The following DARS1 variants were observed in gnomAD, a reference collection of about 807,000 sequenced individuals.
The protein encoded by DARS1 is aspartate--tRNA ligase, cytoplasmic.
Under a neutral mutation model 68.8 loss-of-function variants are expected in DARS1, and 51 were observed. That is an observed-to-expected ratio of 0.74 (90% CI 0.59 to 0.94). The LOEUF (loss-of-function observed/expected upper bound fraction) is 0.94. Among genes scored for constraint, DARS1 ranks in the 40% least tolerant of loss-of-function variants. DARS1 has a pLI of 0.00. For missense variants in DARS1, 607 were observed against 597.3 expected (o/e 1.02, Z -0.17); for synonymous variants, 203 against 190.4 (o/e 1.07, Z -0.55).
rs949656320 is a variant in DARS1, at chr2:135,921,206, A to G, written c.812-606T>C. Among the ~76,000 whole-genome samples the G allele has an allele frequency of 7.3e-5, 11 of 151,158 alleles. 1 individual carries two copies. In the South Asian group the frequency reaches 2.3e-3, roughly 32 times the overall value. The stretch of plus-strand genomic sequence containing the variant: ...TCGACTCATCTTTCACATCACTAAT[A>G]TTCCTATAATACATCCTTGCTCAGA... On this transcript the variant is annotated intron_variant, in intron 9 of 15. Coordinates refer to ENST00000264161, the MANE Select transcript of DARS1 (RefSeq NM_001349.4).
intron 1 of DARS1, among the ~76,000 whole-genome samples, chr2:135,984,962 T>G (rs1682737815): frequency 1.3e-5 from 2 of 152,220 alleles, no homozygotes; most frequent in Non-Finnish European, 2.9e-5. Flanking sequence ...TCATTAAACA[T>G]ATTGGCAGAT....
chr2:135,922,779 C>A lies in DARS1; in HGVS notation c.811+5G>T. On this transcript the variant is annotated splice_donor_5th_base_variant and intron_variant, in intron 9 of 15. Coordinates refer to ENST00000264161, the MANE Select transcript of DARS1 (RefSeq NM_001349.4). ...TTGGATAAAACATAACTGCCAAAATCTTACCTGGTCCAATAGAGAAAACCT... is the reference window on the plus strand; with the variant it reads ...TTGGATAAAACATAACTGCCAAAATATTACCTGGTCCAATAGAGAAAACCT... 1 of 1,533,950 alleles carries A rather than the reference C, an allele frequency of 6.5e-7. No homozygotes were observed. The highest frequency in any genetic ancestry group is 8.7e-7 in the Non-Finnish European group (1 of 1,148,024).
At chr2:135,912,439 A>T (rs549523912) in intron 13 of DARS1, 47 bp downstream of exon 13, 81 of 739,736 alleles carry the variant, frequency 1.1e-4, no homozygotes, top group African/African-American at 1.1e-3. Flanking sequence ...TGACAATAAA[A>T]TTTCCCTTCT....
intron 3 of DARS1, among the ~76,000 whole-genome samples, chr2:135,963,121 C>T (rs1377227071): frequency 2.0e-5 from 3 of 152,122 alleles, no homozygotes; most frequent in East Asian, 1.9e-4. Context: ...GTCTATGGGT[C>T]GGCACTAGGG....
intron 7 of DARS1, among the ~76,000 whole-genome samples, chr2:135,929,826 A>AAAGTTTCAGGGAGATATGGCAAATAGG (rs1484486772): frequency 6.6e-6 from 1 of 152,184 alleles, no homozygotes; most frequent in Non-Finnish European, 1.5e-5. Flanking sequence ...TTGTTAATAG[A>AAAGTTTCAGGGAGATATGGCAAATAGG]AAGTTTCAGG....
At chr2:135,975,917 C>T (rs961930451) in intron 3 of DARS1, among the ~76,000 whole-genome samples, 2 of 152,130 alleles carry the variant, frequency 1.3e-5, no homozygotes, top group Non-Finnish European at 2.9e-5. Context: ...TCACTGCACT[C>T]CAGCCTGAGT....
At chr2:135,963,432 C>T (rs760367851) in intron 3 of DARS1, among the ~76,000 whole-genome samples, 2 of 150,726 alleles carry the variant, frequency 1.3e-5, no homozygotes, top group Non-Finnish European at 2.9e-5. Flanking sequence ...AGTCCAATGG[C>T]GCTACCTCAG....
intron 4 of DARS1, among the ~76,000 whole-genome samples, chr2:135,948,742 G>C (rs532116226): frequency 2.6e-5 from 4 of 152,192 alleles, no homozygotes; most frequent in African/African-American, 9.6e-5. Flanking sequence ...GTGGTAGCGT[G>C]TGCCTGTAGT....
chr2:135,914,592 T>C (rs1680968381), intron 11 of DARS1, 81 bp from the exon 12 acceptor site: 6 of 884,164 alleles, frequency 6.8e-6, no homozygotes, highest in Non-Finnish European at 1.2e-5. Context: ...TCTATTTGAG[T>C]TTCTCAAGGG....
intron 2 of DARS1, 96 bp downstream of exon 2, chr2:135,983,301 C>T: frequency 2.8e-6 from 2 of 705,188 alleles, no homozygotes; most frequent in Admixed American, 2.7e-5. Context: ...AGAATTATAC[C>T]TTCAGATTTA....
chr2:135,972,277 A>G (rs1490180928), intron 3 of DARS1, among the ~76,000 whole-genome samples: 2 of 152,242 alleles, frequency 1.3e-5, no homozygotes, highest in African/African-American at 4.8e-5. Context: ...AAGCAGATCC[A>G]CACATCTACA....
At chr2:135,919,245 G>A (rs995367004) in intron 10 of DARS1, among the ~76,000 whole-genome samples, 3 of 151,932 alleles carry the variant, frequency 2.0e-5, no homozygotes, top group Admixed American at 6.6e-5. Flanking sequence ...TGGCCGGGTC[G>A]GTCTTGAACT....
intron 4 of DARS1, among the ~76,000 whole-genome samples, chr2:135,951,962 C>T (rs929504152): frequency 6.6e-6 from 1 of 152,144 alleles, no homozygotes; most frequent in African/African-American, 2.4e-5. Flanking sequence ...GGTTACTGGC[C>T]GGGCTTGGTG....
intron 3 of DARS1, among the ~76,000 whole-genome samples, chr2:135,968,823 G>A (rs309153): frequency 0.023 from 3,481 of 151,984 alleles, 112 homozygotes; most frequent in African/African-American, 0.079. Context: ...CATGATGCCC[G>A]GCTATTTTTT....
At chr2:135,940,750 T>C (rs1211271868) in intron 5 of DARS1, among the ~76,000 whole-genome samples, 1 of 152,174 alleles carries the variant, frequency 6.6e-6, no homozygotes, top group East Asian at 1.9e-4. Context: ...TGATTGTATA[T>C]TTAGAAAACC....
At chr2:135,966,400 T>C (rs987296741) in intron 3 of DARS1, among the ~76,000 whole-genome samples, 8 of 152,240 alleles carry the variant, frequency 5.3e-5, no homozygotes, top group Non-Finnish European at 1.0e-4. Flanking sequence ...ATATGAACTT[T>C]AGAGGGCAGA....
At position 135,979,334 on chromosome 2, in the gene DARS1, T is replaced by A; in HGVS notation, c.157A>T (p.Ile53Leu). ...RVLVRVRDLTIQKADEVVWVR... is the reference protein window; with the variant it reads ...RVLVRVRDLTLQKADEVVWVR... ...CAAACAACTTCATCAGCTTTTTGTA[T>A]TGTCAAGTCTCTAACCCGAACCAAA... The change falls in exon 3 of 16, where the codon ATA (isoleucine) becomes TTA (leucine). Residue 53 changes from isoleucine to leucine, a missense_variant. Physicochemically the swap from Ile to Leu is conservative, Grantham distance 5. Transcript: ENST00000264161. 1 of 1,497,592 alleles carries A rather than the reference T, an allele frequency of 6.7e-7. No homozygotes were observed. Among genetic ancestry groups the A allele is most frequent in the Non-Finnish European group, 9.3e-7 (1 of 1,073,342 alleles). The allele number at this position is 1,497,592 out of a possible 1,614,324, so 92.8% of individuals were successfully genotyped here. A position where few individuals can be genotyped will look rare whatever the true frequency, so the allele number is the denominator to read the frequency against.
rs545541393 is a variant in DARS1 at position 135,932,632 on chromosome 2, G to T, written c.564+151C>A. ...TTGCCTGCAATTCTTTTTAGGGGAA[G>T]GGTCAGTCAGAAAAGGAAATTGTTT... On this transcript the variant is annotated intron_variant, in intron 7 of 15. Coordinates refer to ENST00000264161, the MANE Select transcript of DARS1 (RefSeq NM_001349.4). 9.7e-6 allele frequency: 5 copies of T among 514,102 alleles called. No individual in the cohort carries two copies. The East Asian group carries it at 1.5e-4, about 15-fold the overall frequency. The allele number at this position is 514,102 out of a possible 1,614,324, so 31.8% of individuals were successfully genotyped here.
At chr2:135,983,744 C>T (rs1022176046) in intron 1 of DARS1, among the ~76,000 whole-genome samples, 1 of 152,194 alleles carries the variant, frequency 6.6e-6, no homozygotes, top group Non-Finnish European at 1.5e-5. Flanking sequence ...ATATGTACAA[C>T]ACATCTTAAC....
Sources: allele counts gnomAD v4.1 joint callset (sites outside exome capture counted in the v4.1 genomes callset), GRCh38; gene constraint gnomAD v4.1.1; transcripts MANE v1.5; gene names NCBI Gene and HGNC (gene_info 2026-07-23, HGNC 2026-07-21).